Variants in PSD3 observed in about 807,000 individuals in gnomAD.
PSD3 encodes the protein pleckstrin and Sec7 domain containing 3, also known as PH and SEC7 domain-containing protein 3.
Under a neutral mutation model 105.5 loss-of-function variants are expected in PSD3, and 49 were observed. The observed-to-expected ratio is 0.46, with a 90% CI of 0.37 to 0.59. PSD3 has a LOEUF of 0.59. PSD3 is among the 20% of genes least tolerant of loss of function. The probability of loss-of-function intolerance (pLI) is 0.00; values close to 1 mark genes in which losing one functional copy is unlikely to be tolerated. For synonymous variants in PSD3, 557 were observed against 457.8 expected, an observed-to-expected ratio of 1.22 and a Z score of -2.77; for missense variants, 1,561 against 1,263.8, an observed-to-expected ratio of 1.24 and a Z score of -3.57.
Position 18,872,670 on chromosome 8 carries a change from G to A in PSD3, c.194C>T (p.Thr65Ile). The change falls in exon 3 of 16, where the codon ACC becomes ATC. Residue 65 changes from threonine (T) to isoleucine (I), a missense_variant. Transcript: ENST00000327040. ...NVTNEFPEYG[T>I]MEEGGEGLRA... ...TAGGCCTTCTCCACCTTCCTCCATG[G>A]TCCCATATTCTGGAAATTCATTTGT... The A allele has an allele frequency of 6.2e-7, 1 of 1,600,824 alleles. No homozygotes were observed. Among genetic ancestry groups the A allele is most frequent in the Non-Finnish European group, 8.5e-7 (1 of 1,175,892 alleles).
intron 9 of PSD3, chr8:18,730,082 A>G (rs955947436): frequency 6.6e-6 from 1 of 152,234 alleles, no homozygotes; most frequent in African/African-American, 2.4e-5. Context: ...AAAAATAAGA[A>G]ATATGCTCAA....
At chr8:19,076,674 A>G (rs1829471418) in intron 1 of PSD3, among the ~76,000 whole-genome samples, 1 of 152,192 alleles carries the variant, frequency 6.6e-6, no homozygotes, top group Non-Finnish European at 1.5e-5. Context: ...TTTATCCAAA[A>G]TGTTGTTTTT....
At chr8:19,039,848 G>A (rs1057146768) in intron 1 of PSD3, among the ~76,000 whole-genome samples, 5 of 152,196 alleles carry the variant, frequency 3.3e-5, no homozygotes, top group South Asian at 2.1e-4. Flanking sequence ...CCTCCATCAT[G>A]GGGCTTACAG....
chr8:18,976,835 G>C lies in PSD3; in HGVS notation c.21+36728C>G, dbSNP rs1202059044. 2.6e-5 allele frequency among the ~76,000 whole-genome samples: 4 copies of C among 152,124 alleles called. No homozygotes were observed. In the East Asian group the frequency reaches 7.7e-4, roughly 29 times the overall value. On this transcript the variant is annotated intron_variant, in intron 1 of 15. Coordinates refer to ENST00000327040, the MANE Select transcript of PSD3 (RefSeq NM_015310.4). ...GCATTGCTTGTAATTGCAAATATCT[G>C]AAAACAATCAAATTGTCCATCAATA...
chr8:18,810,850 G>A (rs2129448328), intron 4 of PSD3, among the ~76,000 whole-genome samples: 1 of 152,282 alleles, frequency 6.6e-6, no homozygotes, highest in African/African-American at 2.4e-5. Context: ...ACAGAAGACT[G>A]GAACCAACAG....
At chr8:18,683,101 C>T (rs1800475573) in intron 9 of PSD3, among the ~76,000 whole-genome samples, 1 of 152,194 alleles carries the variant, frequency 6.6e-6, no homozygotes, top group African/African-American at 2.4e-5. Context: ...ATGCCCACTT[C>T]ACTACGTAAT....
At chr8:18,729,272 A>G in intron 9 of PSD3, among the ~76,000 whole-genome samples, 1 of 152,328 alleles carries the variant, frequency 6.6e-6, no homozygotes, top group East Asian at 1.9e-4. Context: ...TGCATTCTGT[A>G]AAAGCTTAAG....
chr8:18,917,306 G>C (rs1184017924), intron 2 of PSD3, among the ~76,000 whole-genome samples: 1 of 152,092 alleles, frequency 6.6e-6, no homozygotes, highest in Non-Finnish European at 1.5e-5. Flanking sequence ...TTCCCTTACT[G>C]ATAGAACCCC....
At chr8:18,582,956 G>C (rs1179778133) in intron 12 of PSD3, among the ~76,000 whole-genome samples, 1 of 151,566 alleles carries the variant, frequency 6.6e-6, no homozygotes, top group African/African-American at 2.4e-5. Flanking sequence ...CTCCTGAGTA[G>C]CTAGGATTTT....
At chr8:18,721,132 A>T (rs1278179978) in intron 9 of PSD3, 2 of 152,082 alleles carry the variant, frequency 1.3e-5, no homozygotes, top group South Asian at 4.1e-4. Context: ...CTAGTGATTC[A>T]TGTCATCGCC....
At chr8:18,762,862 A>C in intron 9 of PSD3, 6 of 1,158,886 alleles carry the variant, frequency 5.2e-6, no homozygotes, top group Non-Finnish European at 6.7e-6. Flanking sequence ...TCTTCAGAAA[A>C]CAACTACAAC....
chr8:18,962,012 G>A (rs865780416), intron 1 of PSD3, among the ~76,000 whole-genome samples: 1 of 152,034 alleles, frequency 6.6e-6, no homozygotes, highest in Non-Finnish European at 1.5e-5. Flanking sequence ...TTGGGAGACC[G>A]AGGCATGCGG....
intron 2 of PSD3, among the ~76,000 whole-genome samples, chr8:18,874,611 G>A (rs1034158445): frequency 7.4e-5 from 11 of 149,228 alleles, no homozygotes; most frequent in Non-Finnish European, 1.2e-4. Flanking sequence ...GCTGAGGCAC[G>A]AGAATCATTT....
At chr8:18,882,815 T>C (rs565840008) in intron 2 of PSD3, among the ~76,000 whole-genome samples, 28 of 151,494 alleles carry the variant, frequency 1.8e-4, no homozygotes, top group African/African-American at 6.6e-4. Context: ...TGGATATATA[T>C]ATACATATAT....
intron 13 of PSD3, among the ~76,000 whole-genome samples, chr8:18,574,388 A>C (rs1264763199): frequency 1.3e-5 from 2 of 152,298 alleles, no homozygotes; most frequent in Admixed American, 6.5e-5. Context: ...ATCAGGGAAC[A>C]GAATAATTTG....
At chr8:18,866,245 G>A (rs1816925800) in intron 4 of PSD3, among the ~76,000 whole-genome samples, 1 of 152,214 alleles carries the variant, frequency 6.6e-6, no homozygotes, top group Non-Finnish European at 1.5e-5. Context: ...CCACTGAGGA[G>A]CACCGCCTCA....
At chr8:19,084,364 G>A (rs1159233521) in exon 1 of PSD3, 7 of 456,166 alleles carry the variant, frequency 1.5e-5, no homozygotes, top group South Asian at 1.5e-5. Flanking sequence ...CCTCTCCTCA[G>A]CACAGTCCTT....
At chr8:18,574,637 A>G (rs1802361656) in intron 13 of PSD3, among the ~76,000 whole-genome samples, 1 of 152,204 alleles carries the variant, frequency 6.6e-6, no homozygotes, top group African/African-American at 2.4e-5. Context: ...ATTTACATTT[A>G]TTGAACAGTT....
intron 1 of PSD3, among the ~76,000 whole-genome samples, chr8:19,050,403 A>T (rs1054670425): frequency 2.6e-5 from 4 of 152,230 alleles, no homozygotes; most frequent in African/African-American, 9.6e-5. Context: ...TTATTGCAGC[A>T]CTATTCACAA....
Sources: allele counts gnomAD v4.1 joint callset (sites outside exome capture counted in the v4.1 genomes callset), GRCh38; gene constraint gnomAD v4.1.1; transcripts MANE v1.5; gene names NCBI Gene and HGNC (gene_info 2026-07-23, HGNC 2026-07-21).